Variants in NEXMIF observed in about 807,000 individuals in gnomAD.
The protein encoded by NEXMIF is neurite extension and migration factor, also known as XLMR protein related to neurite extension.
NEXMIF carries 8 observed loss-of-function variants against 62.1 expected under a neutral mutation model. The ratio of observed to expected loss-of-function variants is 0.13; its 90% CI spans 0.08 to 0.23. The LOEUF is 0.23. Among genes scored for constraint, NEXMIF ranks in the 10% least tolerant of loss-of-function variants. The pLI, the probability that NEXMIF is intolerant of heterozygous loss-of-function variation, is 1.00. For synonymous variants in NEXMIF, 404 were observed against 416.6 expected (o/e 0.97, Z 0.37); for missense variants, 976 against 1,113.3 (o/e 0.88, Z 1.75).
intron 1 of NEXMIF, among the ~76,000 whole-genome samples, chrX:74,778,580 A>G (rs2080235869): frequency 8.9e-6 from 1 of 112,235 alleles, no homozygotes; most frequent in African/African-American, 3.2e-5. Context: ...GCATTACTAT[A>G]TTATAAATGA....
chrX:74,786,864 T>A (rs73625824), intron 1 of NEXMIF, among the ~76,000 whole-genome samples: 1 of 110,036 alleles, frequency 9.1e-6, no homozygotes, highest in Non-Finnish European at 1.9e-5. Flanking sequence ...TGTGCGTGTG[T>A]GCACACACAC....
chrX:74,841,218 G>A (rs930245564), intron 1 of NEXMIF, among the ~76,000 whole-genome samples: 1 of 110,413 alleles, frequency 9.1e-6, no homozygotes, highest in South Asian at 4.0e-4. Flanking sequence ...GTATTCCTAG[G>A]TATTTTATTC....
At chrX:74,870,745 A>C (rs994333779) in intron 1 of NEXMIF, among the ~76,000 whole-genome samples, 1 of 112,092 alleles carries the variant, frequency 8.9e-6, no homozygotes, top group Non-Finnish European at 1.9e-5. Context: ...GAGAAATGCA[A>C]ATCAAACTAC....
At chrX:74,790,877 C>T (rs1476869119) in intron 1 of NEXMIF, among the ~76,000 whole-genome samples, 1 of 109,905 alleles carries the variant, frequency 9.1e-6, no homozygotes, top group Non-Finnish European at 1.9e-5. Flanking sequence ...AGATTTTGGG[C>T]TGAGACAATG....
intron 1 of NEXMIF, among the ~76,000 whole-genome samples, chrX:74,901,637 A>G (rs1330710890): frequency 9.0e-6 from 1 of 111,695 alleles, no homozygotes; most frequent in Non-Finnish European, 1.9e-5. Context: ...CTGTGCACAT[A>G]TATCTCCCTA....
chrX:74,861,092 C>T (rs145896969), intron 1 of NEXMIF, among the ~76,000 whole-genome samples: 122 of 111,488 alleles, frequency 1.1e-3, no homozygotes, highest in African/African-American at 3.5e-3. Flanking sequence ...ATGCTAAGAA[C>T]GATGATAAAA....
At chrX:74,871,690 C>T (rs766959926) in intron 1 of NEXMIF, among the ~76,000 whole-genome samples, 19 of 111,555 alleles carry the variant, frequency 1.7e-4, no homozygotes, top group African/African-American at 4.9e-4. Flanking sequence ...TTCTCCTACT[C>T]GCACATCCAT....
At chrX:74,838,303 C>T (rs1485022420) in intron 1 of NEXMIF, among the ~76,000 whole-genome samples, 1 of 111,122 alleles carries the variant, frequency 9.0e-6, no homozygotes, top group Non-Finnish European at 1.9e-5. Flanking sequence ...TTTAGAACCC[C>T]CAACTTTTAA....
intron 1 of NEXMIF, among the ~76,000 whole-genome samples, chrX:74,887,447 C>G (rs1450076088): frequency 9.0e-6 from 1 of 111,192 alleles, no homozygotes; most frequent in Non-Finnish European, 1.9e-5. Flanking sequence ...CTCAAATTTA[C>G]AAGAAAAAAA....
intron 1 of NEXMIF, among the ~76,000 whole-genome samples, chrX:74,776,895 T>C (rs1007695333): frequency 1.8e-5 from 2 of 111,362 alleles, no homozygotes; most frequent in Admixed American, 9.6e-5. Flanking sequence ...CCCAGTTGTA[T>C]GCAGTCAAGT....
intron 1 of NEXMIF, among the ~76,000 whole-genome samples, chrX:74,829,953 C>T (rs991800843): frequency 1.8e-5 from 2 of 111,293 alleles, no homozygotes; most frequent in African/African-American, 6.5e-5. Flanking sequence ...TTATTGATCC[C>T]TTGTCAGATG....
intron 1 of NEXMIF, among the ~76,000 whole-genome samples, chrX:74,877,194 C>T (rs954304600): frequency 2.7e-5 from 3 of 111,043 alleles, no homozygotes; most frequent in Admixed American, 1.9e-4. Flanking sequence ...CTGGTGGTGA[C>T]AAAATCTCTC....
chrX:74,836,939 G>A (rs2080458802), intron 1 of NEXMIF, among the ~76,000 whole-genome samples: 1 of 111,271 alleles, frequency 9.0e-6, no homozygotes, highest in Admixed American at 9.5e-5. Flanking sequence ...TGCCTGTGGT[G>A]GTGAGGCTTG....
At chrX:74,767,530 T>A (rs2080198402) in intron 1 of NEXMIF, among the ~76,000 whole-genome samples, 1 of 111,529 alleles carries the variant, frequency 9.0e-6, no homozygotes, top group Non-Finnish European at 1.9e-5. Flanking sequence ...GCTGATTCTT[T>A]GTAGAGCTGC....
chrX:74,771,682 T>TA (rs2080210803), intron 1 of NEXMIF, among the ~76,000 whole-genome samples: 1 of 111,585 alleles, frequency 9.0e-6, no homozygotes, highest in Non-Finnish European at 1.9e-5. Flanking sequence ...GTCTTCCACT[T>TA]AGTAGCTATG....
chrX:74,824,232 T>G, intron 1 of NEXMIF, among the ~76,000 whole-genome samples: 1 of 111,885 alleles, frequency 8.9e-6, no homozygotes, highest in East Asian at 2.8e-4. Context: ...AAAACCTGTA[T>G]TTCTCTTACC....
chrX:74,764,615 G>T (rs1188088280), intron 1 of NEXMIF, among the ~76,000 whole-genome samples: 1 of 111,459 alleles, frequency 9.0e-6, no homozygotes, highest in Non-Finnish European at 1.9e-5. Context: ...TTTTTGGTTG[G>T]TAGGGTTTTT....
At chrX:74,885,004 A>G (rs960193890) in intron 1 of NEXMIF, among the ~76,000 whole-genome samples, 2 of 110,331 alleles carry the variant, frequency 1.8e-5, no homozygotes, top group African/African-American at 6.6e-5. Flanking sequence ...ACTCAAAACC[A>G]CTCAACTACA....
At chrX:74,860,626 A>T (rs950331160) in intron 1 of NEXMIF, among the ~76,000 whole-genome samples, 1 of 112,200 alleles carries the variant, frequency 8.9e-6, no homozygotes, top group African/African-American at 3.2e-5. Flanking sequence ...ACACATGGAA[A>T]TTAAACAACA....
Sources: allele counts gnomAD v4.1 joint callset (sites outside exome capture counted in the v4.1 genomes callset), GRCh38; gene constraint gnomAD v4.1.1; transcripts MANE v1.5; gene names NCBI Gene and HGNC (gene_info 2026-07-23, HGNC 2026-07-21).